Variants in N4BP2 observed in about 807,000 individuals in gnomAD.
The protein encoded by N4BP2 is NEDD4 binding protein 2.
In N4BP2, 91 loss-of-function variants were observed where a neutral mutation model predicts 152.8. That is an observed-to-expected ratio of 0.60 (90% CI 0.50 to 0.71). The LOEUF (loss-of-function observed/expected upper bound fraction) is 0.71. Among genes scored for constraint, N4BP2 ranks in the 30% least tolerant of loss-of-function variants. The pLI is 0.00. For missense variants in N4BP2, 1,923 were observed against 2,059.1 expected, an observed-to-expected ratio of 0.93 and a Z score of 1.28; for synonymous variants, 646 against 705.3, an observed-to-expected ratio of 0.92 and a Z score of 1.33.
At chr4:40,109,958 T>C (rs1435133976) in intron 5 of N4BP2, among the ~76,000 whole-genome samples, 1 of 152,240 alleles carries the variant, frequency 6.6e-6, no homozygotes, top group African/African-American at 2.4e-5. Context: ...CGCTAAATTT[T>C]AGAACATTTT....
At chr4:40,104,489 G>C (rs1479256626) in intron 4 of N4BP2, among the ~76,000 whole-genome samples, 2 of 151,448 alleles carry the variant, frequency 1.3e-5, no homozygotes, top group Admixed American at 1.3e-4. Flanking sequence ...ACACTTATAA[G>C]CATATTTTTC....
At chr4:40,144,562 A>C in intron 15 of N4BP2, 70 bp from the exon 16 acceptor site, 1 of 1,175,376 alleles carries the variant, frequency 8.5e-7, no homozygotes, top group Non-Finnish European at 1.2e-6. Context: ...TATTTGGGGC[A>C]CTATTAACTT....
At chr4:40,112,351 TA>T (rs1560604967) in intron 6 of N4BP2, among the ~76,000 whole-genome samples, 179 bp downstream of exon 6, 2 of 152,118 alleles carry the variant, frequency 1.3e-5, no homozygotes, top group African/African-American at 2.4e-5. Context: ...AGTTTTTCCA[TA>T]AAGTTAAAGT....
intron 3 of N4BP2, 89 bp from the exon 4 acceptor site, chr4:40,101,986 T>C: frequency 1.3e-6 from 1 of 796,612 alleles, no homozygotes; most frequent in South Asian, 2.4e-5. Flanking sequence ...CAAAATCCAA[T>C]ATAATTTTAG....
rs764639205 is a variant in N4BP2 at position 40,121,319 on chromosome 4, G to A, written c.3208G>A (p.Val1070Ile). ...SDVQEAIPYR[V>I]MYDKSTFVEE... The stretch of plus-strand genomic sequence containing the variant: ...CGTTCAAGAAGCAATTCCATATAGA[G>A]TAATGTATGATAAAAGCACGTTTGT... The change falls in exon 9 of 18, where the codon GTA (valine) becomes ATA (isoleucine). Residue 1070 changes from valine (V) to isoleucine (I), a missense_variant. By Grantham distance (29) the Val-to-Ile change is conservative (BLOSUM62 3). Transcript: ENST00000261435. 18 of 1,613,876 alleles carry A rather than the reference G, an allele frequency of 1.1e-5. No individual in the cohort carries two copies. The highest frequency in any genetic ancestry group is 1.5e-5 in the Non-Finnish European group (18 of 1,179,988).
Position 40,062,078 on chromosome 4 carries a change from C to CTT in N4BP2, c.-212+5062_-212+5063dup, listed in dbSNP as rs71194968. Among the ~76,000 whole-genome samples the CTT allele has an allele frequency of 4.7e-3, 620 of 132,290 alleles. 2 individuals carry two copies. The highest frequency in any genetic ancestry group is 8.1e-3 in the Middle Eastern group (2 of 246). The allele number at this position is 132,290 out of a possible 152,430, so 86.8% of individuals were successfully genotyped here. Reference sequence around the variant, plus strand: ...TTTTTACTGCTTTATTTTTTGGTTACTTTTTTTTTTTTTTTCTTGAGACGG... The same window carrying CTT: ...TTTTTACTGCTTTATTTTTTGGTTACTTTTTTTTTTTTTTTTTCTTGAGACGG... On this transcript the variant is annotated intron_variant, in intron 1 of 17. Coordinates refer to ENST00000261435, the MANE Select transcript of N4BP2 (RefSeq NM_018177.6).
chr4:40,148,859 A>T (rs1720872291), intron 16 of N4BP2, among the ~76,000 whole-genome samples: 1 of 152,028 alleles, frequency 6.6e-6, no homozygotes, highest in East Asian at 1.9e-4. Context: ...ACATTTTTTT[A>T]TCAATTTATC....
intron 2 of N4BP2, among the ~76,000 whole-genome samples, chr4:40,080,803 G>T (rs1166115085): frequency 6.8e-6 from 1 of 147,458 alleles, no homozygotes; most frequent in Non-Finnish European, 1.5e-5. Context: ...GACTACAGGC[G>T]CCTGCCACCA....
chr4:40,140,756 C>A (rs1719848123), intron 14 of N4BP2, among the ~76,000 whole-genome samples: 1 of 151,890 alleles, frequency 6.6e-6, no homozygotes, highest in African/African-American at 2.4e-5. Flanking sequence ...GTGTTTGTGT[C>A]CCTGGGCACT....
chr4:40,065,043 C>A (rs1733936607), intron 1 of N4BP2, among the ~76,000 whole-genome samples: 1 of 152,158 alleles, frequency 6.6e-6, no homozygotes, highest in Admixed American at 6.5e-5. Context: ...GTTGGGATTA[C>A]AAGCGTGAGC....
At chr4:40,135,489 G>A (rs1271795685) in intron 13 of N4BP2, among the ~76,000 whole-genome samples, 1 of 152,156 alleles carries the variant, frequency 6.6e-6, no homozygotes, top group African/African-American at 2.4e-5. Flanking sequence ...GGGTCAAATG[G>A]TATTCCTAGT....
the N4BP2 span, chr4:40,166,790 A>G: frequency 6.6e-6 from 1 of 152,204 alleles, no homozygotes; most frequent in African/African-American, 2.4e-5. Context: ...GGTACATGAG[A>G]TATTTTTGAT....
chr4:40,147,623 C>T (rs1226681477), intron 16 of N4BP2, among the ~76,000 whole-genome samples: 1 of 150,282 alleles, frequency 6.7e-6, no homozygotes, highest in Non-Finnish European at 1.5e-5. Context: ...GGGCGGCTGG[C>T]CGGGCGGGGG....
In N4BP2 at chr4:40,147,574, GCCGGGTGGGGGCTGA is replaced by G. The variant is rs1412182588; in HGVS notation, c.5143+2777_5143+2791del. Among the ~76,000 whole-genome samples the G allele has an allele frequency of 2.2e-3, 329 of 150,196 alleles. 1 individual carries two copies. Among genetic ancestry groups the G allele is most frequent in the African/African-American group, 7.6e-3 (310 of 40,828 alleles). On this transcript the variant is annotated intron_variant, in intron 16 of 17. Transcript: ENST00000261435. ...ACCTCCCTCCCGGACATGGCGGCTG[GCCGGGTGGGGGCTGA>G]CCCCCCCACCTCCCTCCCGGACGGG...
chr4:40,110,836 C>G (rs1395117052), intron 5 of N4BP2, among the ~76,000 whole-genome samples: 1 of 152,178 alleles, frequency 6.6e-6, no homozygotes, highest in African/African-American at 2.4e-5. Flanking sequence ...CCGTGCCCAG[C>G]CTCCTTTGCC....
chr4:40,112,600 A>G (rs186994680), intron 6 of N4BP2, among the ~76,000 whole-genome samples: 23 of 151,652 alleles, frequency 1.5e-4, no homozygotes, highest in African/African-American at 4.8e-4. Context: ...AAACTCAGCT[A>G]TTTTCTCTGA....
chr4:40,126,362 C>A, intron 12 of N4BP2, 32 bp downstream of exon 12: 1 of 1,100,692 alleles, frequency 9.1e-7, no homozygotes, highest in South Asian at 1.8e-5. Flanking sequence ...AAGCTACTGT[C>A]TCTGATTCTG....
Position 40,155,414 on chromosome 4 carries a change from A to G in N4BP2, c.*1177A>G, listed in dbSNP as rs1721524078. The G allele has an allele frequency of 6.6e-6, 1 of 152,186 alleles. No individual in the cohort carries two copies. Among genetic ancestry groups the G allele is most frequent in the East Asian group, 1.9e-4 (1 of 5,184 alleles). 9.4% of individuals were successfully genotyped at this position (152,186 alleles called of 1,614,324 possible). ...TCCGTCTCCAAAAAAAAAAAAGAAA[A>G]AAAAGAGAAAATATTTTGGTTATAA... On this transcript the variant is annotated 3_prime_UTR_variant, in exon 18 of 18. Transcript: ENST00000261435.
In N4BP2 at chr4:40,121,777, C is replaced by T. The variant is rs1343156689; in HGVS notation, c.3666C>T (p.Pro1222=). The change falls in exon 9 of 18, where the codon CCC becomes CCT. Residue 1222 remains proline (P), a synonymous_variant. Transcript: ENST00000261435. ...ATGAATCGATGACAAGTATATTTCCCAGTGCTGCTGTGGGTCTAAAGAATA... is the reference window on the plus strand; with the variant it reads ...ATGAATCGATGACAAGTATATTTCCTAGTGCTGCTGTGGGTCTAAAGAATA... ...ENHESMTSIF[P]SAAVGLKNNN... 6 of 1,613,856 alleles carry T rather than the reference C, an allele frequency of 3.7e-6. No homozygotes were observed. The African/African-American group carries it at 6.7e-5, about 18-fold the overall frequency.
Sources: gnomAD v4.1 joint callset for allele counts (sites outside exome capture counted in the v4.1 genomes callset) on GRCh38, gnomAD v4.1.1 for gene constraint, MANE v1.5 for transcripts, NCBI Gene and HGNC (gene_info 2026-07-23, HGNC 2026-07-21) for gene names.